The following ATAD2B variants were observed in gnomAD, a reference collection of about 807,000 sequenced individuals.
ATAD2B encodes ATPase family AAA domain-containing protein 2B.
A neutral mutation model predicts 167.6 loss-of-function variants in ATAD2B; 40 were observed. That is an observed-to-expected ratio of 0.24 (90% CI 0.19 to 0.31). The LOEUF (loss-of-function observed/expected upper bound fraction) is 0.31. ATAD2B is among the 10% of genes least tolerant of loss of function. The pLI, the probability that ATAD2B is intolerant of heterozygous loss-of-function variation, is 1.00. For missense variants in ATAD2B, 1,242 were observed against 1,757.2 expected (o/e 0.71, Z 5.24); for synonymous variants, 579 against 596.5 (o/e 0.97, Z 0.43).
intron 1 of ATAD2B, among the ~76,000 whole-genome samples, chr2:23,910,969 G>C (rs577010838): frequency 6.6e-6 from 1 of 152,232 alleles, no homozygotes; most frequent in African/African-American, 2.4e-5. Context: ...GCTCACACCT[G>C]TAATCCCAGC....
At chr2:23,745,424 A>AAGGAAGGAAGGAAG, downstream of ATAD2B, among the ~76,000 whole-genome samples, 5 of 32,928 alleles carry the variant, frequency 1.5e-4, 1 homozygote, top group African/African-American at 2.7e-4. Flanking sequence ...AAGGAAGGAA[A>AAGGAAGGAAGGAAG]GGGAAGGGAA....
At chr2:23,802,751 T>C (rs1245868164) in intron 18 of ATAD2B, among the ~76,000 whole-genome samples, 2 of 152,004 alleles carry the variant, frequency 1.3e-5, no homozygotes, top group African/African-American at 4.8e-5. Flanking sequence ...CAGAAATCTA[T>C]AAGCACAAAC....
the ATAD2B span, among the ~76,000 whole-genome samples, chr2:23,729,537 G>A: frequency 2.0e-5 from 3 of 152,072 alleles, no homozygotes; most frequent in Admixed American, 6.5e-5. Flanking sequence ...AGCCTCCTCT[G>A]CGCAACTCAT....
intron 13 of ATAD2B, among the ~76,000 whole-genome samples, chr2:23,840,538 T>C (rs546409216): frequency 1.3e-5 from 2 of 152,368 alleles, no homozygotes; most frequent in East Asian, 3.9e-4. Context: ...TTCTTAATTA[T>C]GAACATAAAA....
chr2:23,679,993 G>T, the ATAD2B span, among the ~76,000 whole-genome samples: 6,688 of 152,268 alleles, frequency 0.044, 187 homozygotes, highest in South Asian at 0.09. Flanking sequence ...GAGGAGGAGC[G>T]GAGGGAACGG....
chr2:23,807,649 T>C (rs1314963922), intron 18 of ATAD2B, among the ~76,000 whole-genome samples: 4 of 151,512 alleles, frequency 2.6e-5, no homozygotes, highest in African/African-American at 9.7e-5. Flanking sequence ...ACACCGTCTC[T>C]ACTAAAAATA....
the ATAD2B span, among the ~76,000 whole-genome samples, chr2:23,737,175 C>G: frequency 6.6e-6 from 1 of 152,238 alleles, no homozygotes; most frequent in South Asian, 2.1e-4. Context: ...TTAAATGTCC[C>G]TCTTTGACAC....
At chr2:23,702,341 C>T in the ATAD2B span, among the ~76,000 whole-genome samples, 1 of 152,200 alleles carries the variant, frequency 6.6e-6, no homozygotes, top group African/African-American at 2.4e-5. Flanking sequence ...TGGGCAAAAG[C>T]ATCTAACACA....
chr2:23,767,265 C>G (rs893338668), intron 22 of ATAD2B, among the ~76,000 whole-genome samples: 1 of 152,094 alleles, frequency 6.6e-6, no homozygotes, highest in Non-Finnish European at 1.5e-5. Flanking sequence ...CCTCGTCATT[C>G]TCTTTAAATT....
At chr2:23,782,781 A>ACATGT in intron 22 of ATAD2B, 88 bp downstream of exon 22, 2 of 1,148,094 alleles carry the variant, frequency 1.7e-6, no homozygotes, top group Non-Finnish European at 2.5e-6. Flanking sequence ...AAAATTATCT[A>ACATGT]TCTAGAACAC....
rs1476162402 is a variant in ATAD2B at position 23,757,770 on chromosome 2, A to C, written c.3726T>G (p.Ser1242=). 1 of 1,586,786 alleles carries C rather than the reference A, an allele frequency of 6.3e-7. No individual in the cohort carries two copies. The highest frequency in any genetic ancestry group is 8.5e-7 in the Non-Finnish European group (1 of 1,170,570). Residue 1242 remains serine, a synonymous_variant, in exon 25 of 28, where the codon TCT becomes TCG. Transcript: ENST00000238789. ...ASTEEESSNE[S]LLVNSSSSLN... ...AGGAACTGCTGCTGTTGACCAGTAGAGATTCATTTGAACTTTCCTCCTCAG... is the reference window on the plus strand; with the variant it reads ...AGGAACTGCTGCTGTTGACCAGTAGCGATTCATTTGAACTTTCCTCCTCAG...
At chr2:23,925,524 C>A (rs564600038) in intron 1 of ATAD2B, among the ~76,000 whole-genome samples, 1 of 152,260 alleles carries the variant, frequency 6.6e-6, no homozygotes, top group African/African-American at 2.4e-5. Flanking sequence ...TTTAAATGAA[C>A]AGCTTTTTCC....
intron 22 of ATAD2B, among the ~76,000 whole-genome samples, chr2:23,778,215 A>G (rs1345768499): frequency 1.3e-5 from 2 of 152,152 alleles, no homozygotes; most frequent in Non-Finnish European, 2.9e-5. Flanking sequence ...CACTTTTTGT[A>G]TCAGAACAAG....
rs530095554 is a variant in ATAD2B at position 23,783,134 on chromosome 2, CAAAT to C, written c.2974-110_2974-107del. 5.4e-3 allele frequency: 2,969 copies of C among 547,942 alleles called. 16 individuals are homozygous for C. Among genetic ancestry groups the C allele is most frequent in the Non-Finnish European group, 6.9e-3 (2,346 of 338,358 alleles). The allele number at this position is 547,942 out of a possible 1,614,324, so 33.9% of individuals were successfully genotyped here. On this transcript the variant is annotated intron_variant, in intron 21 of 27. Coordinates refer to ENST00000238789, the MANE Select transcript of ATAD2B (RefSeq NM_017552.4). ...TTCTTTAAAAATTAAATCTAAATATCAAATAAATAATTTATAAAGATAAAATTGC... is the reference window on the plus strand; with the variant it reads ...TTCTTTAAAAATTAAATCTAAATATCAAATAATTTATAAAGATAAAATTGC...
At chr2:23,905,999 A>G (rs1701425398) in intron 1 of ATAD2B, among the ~76,000 whole-genome samples, 1 of 152,292 alleles carries the variant, frequency 6.6e-6, no homozygotes, top group South Asian at 2.1e-4. Context: ...ATGAAAATTT[A>G]AAATACACAT....
chr2:23,913,168 A>G (rs1702543418), intron 1 of ATAD2B, among the ~76,000 whole-genome samples: 1 of 152,160 alleles, frequency 6.6e-6, no homozygotes, highest in Non-Finnish European at 1.5e-5. Flanking sequence ...CACACAATAA[A>G]CATTTACCAA....
At position 23,755,902 on chromosome 2, in the gene ATAD2B, C is replaced by T. The variant is rs545652468; in HGVS notation, c.4079-1128G>A. The stretch of plus-strand genomic sequence containing the variant: ...AAAATCATATTGATCCTCATTACTA[C>T]ATCCATGGACTTCTAGAGGCCTGAA... On this transcript the variant is annotated intron_variant, in intron 25 of 27. Transcript: ENST00000238789. Among the ~76,000 whole-genome samples the T allele has an allele frequency of 2.4e-4, 36 of 152,282 alleles. No individual in the cohort carries two copies. The South Asian group carries it at 6.0e-3, about 25-fold the overall frequency.
the ATAD2B span, among the ~76,000 whole-genome samples, chr2:23,714,575 C>G: frequency 1.3e-5 from 2 of 150,518 alleles, no homozygotes; most frequent in African/African-American, 2.4e-5. Flanking sequence ...AATATAGGGG[C>G]CAGGTGCAGT....
intron 13 of ATAD2B, among the ~76,000 whole-genome samples, chr2:23,854,798 T>C (rs1250274404): frequency 6.6e-6 from 1 of 152,218 alleles, no homozygotes; most frequent in Non-Finnish European, 1.5e-5. Context: ...AGATACATTT[T>C]TTAAATCTAT....
Sources: allele counts gnomAD v4.1 joint callset (sites outside exome capture counted in the v4.1 genomes callset), GRCh38; gene constraint gnomAD v4.1.1; transcripts MANE v1.5; gene names NCBI Gene and HGNC (gene_info 2026-07-23, HGNC 2026-07-21).